Variants in MYOT observed in about 807,000 individuals in gnomAD.
MYOT encodes the protein myotilin, also known as 57 kDa cytoskeletal protein.
A neutral mutation model predicts 58.0 loss-of-function variants in MYOT; 36 were observed. The ratio of observed to expected loss-of-function variants is 0.62; its 90% CI spans 0.48 to 0.82. MYOT has a LOEUF of 0.82. MYOT is among the 40% of genes least tolerant of loss of function. The probability of loss-of-function intolerance (pLI) is 0.00; values close to 1 mark genes in which losing one functional copy is unlikely to be tolerated. For missense variants in MYOT, 505 were observed against 592.1 expected (o/e 0.85, Z 1.53); for synonymous variants, 218 against 204.6 (o/e 1.07, Z -0.56).
At position 137,870,779 on chromosome 5, in the gene MYOT, A is replaced by C. The variant is rs1385557713; in HGVS notation, c.128A>C (p.Gln43Pro). 2 of 1,614,018 alleles carry C rather than the reference A, an allele frequency of 1.2e-6. No homozygotes were observed. Among genetic ancestry groups the C allele is most frequent in the African/African-American group, 2.7e-5 (2 of 74,904 alleles). Residue 43 changes from glutamine (Q) to proline (P), a missense_variant, in exon 2 of 10, where the codon CAG (glutamine) becomes CCG (proline). Transcript: ENST00000239926. ...ACCAAACAGTCTTCCATTATCATCC[A>C]GCCCCGCCAGTGTACAGAGCAAAGA... ...SQTKQSSIIIQPRQCTEQRFS... is the reference protein window; with the variant it reads ...SQTKQSSIIIPPRQCTEQRFS...
Position 137,887,576 on chromosome 5 carries a change from C to A in MYOT, c.*191C>A. On this transcript the variant is annotated 3_prime_UTR_variant, in exon 10 of 10. Transcript: ENST00000239926. ...TATGTACCCCTCCGATTTGTGAAGCCTACAGGAAATCTGGGTATATGGATT... is the reference window on the plus strand; with the variant it reads ...TATGTACCCCTCCGATTTGTGAAGCATACAGGAAATCTGGGTATATGGATT... The A allele has an allele frequency of 3.2e-6, 1 of 309,732 alleles. No individual in the cohort carries two copies. The highest frequency in any genetic ancestry group is 5.5e-6 in the Non-Finnish European group (1 of 181,708). The allele number at this position is 309,732 out of a possible 1,614,324, so 19.2% of individuals were successfully genotyped here.
At position 137,880,901 on chromosome 5, in the gene MYOT, CCTAT is replaced by C. The variant is rs759093150; in HGVS notation, c.683+40_683+43del. On this transcript the variant is annotated intron_variant, in intron 5 of 9. Transcript: ENST00000239926. The stretch of plus-strand genomic sequence containing the variant: ...TTAATTTTAAAGAAATGTATGTTTT[CCTAT>C]CTAAAATATTTTCAGCTTAAAAATG... 1.2e-5 allele frequency: 17 copies of C among 1,386,664 alleles called. No homozygotes were observed. In the African/African-American group the frequency reaches 2.4e-4, roughly 20 times the overall value. 85.9% of individuals were successfully genotyped at this position (1,386,664 alleles called of 1,614,324 possible).
chr5:137,872,057 CA>C (rs773626199), intron 2 of MYOT, among the ~76,000 whole-genome samples: 2 of 148,776 alleles, frequency 1.3e-5, no homozygotes, highest in Non-Finnish European at 3.0e-5. Flanking sequence ...ATTCAACTTG[CA>C]AAAAAAAACC....
intron 4 of MYOT, 39 bp downstream of exon 4, chr5:137,877,660 T>C (rs746970069): frequency 8.5e-6 from 12 of 1,416,246 alleles, no homozygotes; most frequent in Non-Finnish European, 1.2e-5. Flanking sequence ...TTTTATTCTG[T>C]GCGATTTTTA....
chr5:137,867,999 G>A (rs1182795967), intron 1 of MYOT, 46 bp downstream of exon 1: 1 of 151,888 alleles, frequency 6.6e-6, no homozygotes, highest in African/African-American at 2.4e-5. Context: ...TCTTGTTTTT[G>A]TTTTTTGTCC....
rs918161059 is a variant in MYOT at position 137,873,550 on chromosome 5, A to C, written c.357-2279A>C. ...AACAAGAATGAAACTCCGTCTCAAA[A>C]AAAAAAAAGTGGTCTATTATAATTC... On this transcript the variant is annotated intron_variant, in intron 2 of 9. Transcript: ENST00000239926. 3.3e-5 allele frequency among the ~76,000 whole-genome samples: 5 copies of C among 152,246 alleles called. No homozygotes were observed. The East Asian group carries it at 9.6e-4, about 29-fold the overall frequency.
At chr5:137,869,664 CA>C (rs1238618374) in intron 1 of MYOT, among the ~76,000 whole-genome samples, 1 of 145,530 alleles carries the variant, frequency 6.9e-6, no homozygotes. Context: ...AAAGGTGTGG[CA>C]AAAAAAAGAA....
rs1754952972 is a variant in MYOT, at chr5:137,868,854, T to TC, written c.-212+905dup. ...TCAAGGCCCTCCTTCAGGATGTTTT[T>TC]CCCCAACAATTTAAATGCCTAAAGT... On this transcript the variant is annotated intron_variant, in intron 1 of 9. Transcript: ENST00000239926. Among the ~76,000 whole-genome samples the TC allele has an allele frequency of 2.0e-5, 3 of 152,274 alleles. No homozygotes were observed. The South Asian group carries it at 6.2e-4, about 32-fold the overall frequency.
At chr5:137,884,827 A>C (rs1341760097) in intron 7 of MYOT, among the ~76,000 whole-genome samples, 1 of 152,184 alleles carries the variant, frequency 6.6e-6, no homozygotes, top group African/African-American at 2.4e-5. Context: ...TGCATAAGAG[A>C]TATTTTGCTA....
Position 137,870,698 on chromosome 5 carries a change from C to G in MYOT, c.47C>G (p.Pro16Arg). 6.2e-7 allele frequency: 1 copy of G among 1,614,206 alleles called. No homozygotes were observed. Residue 16 changes from proline (P) to arginine (R), a missense_variant, in exon 2 of 10, where the codon CCA (proline) becomes CGA (arginine). Physicochemically the swap from Pro to Arg is moderately radical, Grantham distance 103. Coordinates refer to ENST00000239926, the MANE Select transcript of MYOT (RefSeq NM_006790.3). The part of the protein sequence containing the change: ...RPKHFIQSQN[P>R]CGSRLQPPGP... ...AAACACTTCATCCAGTCCCAAAACCCATGTGGCTCCAGATTGCAGCCTCCT... is the reference window on the plus strand; with the variant it reads ...AAACACTTCATCCAGTCCCAAAACCGATGTGGCTCCAGATTGCAGCCTCCT...
intron 7 of MYOT, 73 bp downstream of exon 7, chr5:137,883,664 G>A: frequency 7.3e-7 from 1 of 1,371,492 alleles, no homozygotes. Context: ...TATTTTAAAA[G>A]AAAAGCCCAG....
chr5:137,878,944 G>A (rs978829734), intron 4 of MYOT, among the ~76,000 whole-genome samples: 1 of 152,166 alleles, frequency 6.6e-6, no homozygotes, highest in Non-Finnish European at 1.5e-5. Context: ...GGGAGCCAAA[G>A]AGATTAAACC....
In MYOT at chr5:137,877,582, G is replaced by A. The variant is rs372287923; in HGVS notation, c.594G>A (p.Val198=). Residue 198 remains valine, a synonymous_variant, in exon 4 of 10, where the codon GTG becomes GTA. Coordinates refer to ENST00000239926, the MANE Select transcript of MYOT (RefSeq NM_006790.3). The stretch of plus-strand genomic sequence containing the variant: ...TAGGACCACAGAATGCAGCTGCTGT[G>A]TTTCAAGCTCAGGATGACAGTGGTG... ...RLLGPQNAAA[V]FQAQDDSGAQ... 1.4e-4 allele frequency: 224 copies of A among 1,613,864 alleles called. No individual in the cohort carries two copies. Among genetic ancestry groups the A allele is most frequent in the Non-Finnish European group, 1.8e-4 (218 of 1,179,942 alleles).
Position 137,870,455 on chromosome 5 carries a change from A to G in MYOT, c.-197A>G. 1 of 627,174 alleles carries G rather than the reference A, an allele frequency of 1.6e-6. No homozygotes were observed. The highest frequency in any genetic ancestry group is 3.9e-4 in the Middle Eastern group (1 of 2,546). The allele number at this position is 627,174 out of a possible 1,614,324, so 38.9% of individuals were successfully genotyped here. A position where few individuals can be genotyped will look rare whatever the true frequency, so the allele number is the denominator to read the frequency against. On this transcript the variant is annotated 5_prime_UTR_variant, in exon 2 of 10. Transcript: ENST00000239926. ...TCCTTTTGAAGGAACAATATTCTTC[A>G]AGAGAAGGTCACTCTACCAAAGCCA...
intron 3 of MYOT, 55 bp from the exon 4 acceptor site, chr5:137,877,465 C>A: frequency 1.7e-6 from 2 of 1,210,944 alleles, no homozygotes; most frequent in Non-Finnish European, 2.4e-6. Context: ...TTAAGGTAAA[C>A]CTGTACAAAC....
chr5:137,881,788 C>G (rs1755439820), intron 5 of MYOT, among the ~76,000 whole-genome samples, 185 bp from the exon 6 acceptor site: 1 of 151,992 alleles, frequency 6.6e-6, no homozygotes, highest in Non-Finnish European at 1.5e-5. Context: ...CCTCCGCCTC[C>G]CGGGTTCAAG....
chr5:137,876,520 T>C (rs1755226372), intron 3 of MYOT, among the ~76,000 whole-genome samples: 1 of 152,218 alleles, frequency 6.6e-6, no homozygotes, highest in Non-Finnish European at 1.5e-5. Flanking sequence ...TAAAAGTTAC[T>C]TCTGGCTGGG....
rs1199745014 is a variant in MYOT, at chr5:137,877,524, T to C, written c.536T>C (p.Leu179Pro). 9 of 1,609,502 alleles carry C rather than the reference T, an allele frequency of 5.6e-6. No individual in the cohort carries two copies. The highest frequency in any genetic ancestry group is 1.1e-5 in the South Asian group (1 of 90,988). The change falls in exon 4 of 10, where the codon CTA (leucine) becomes CCA (proline). Residue 179 changes from leucine (L) to proline (P), a missense_variant. Transcript: ENST00000239926. ...DTLLHNGNQR[L>P]TYEEKMARRL... ...GTCTCAATAAATTCTCTAAAGCGTCTAACATATGAAGAGAAGATGGCTCGC... is the reference window on the plus strand; with the variant it reads ...GTCTCAATAAATTCTCTAAAGCGTCCAACATATGAAGAGAAGATGGCTCGC...
chr5:137,870,672 A>G lies in MYOT; in HGVS notation c.21A>G (p.Pro7=), dbSNP rs771806402. The change falls in exon 2 of 10, where the codon CCA becomes CCG. Residue 7 remains proline (P), a synonymous_variant. Coordinates refer to ENST00000239926, the MANE Select transcript of MYOT (RefSeq NM_006790.3). The part of the protein sequence containing the change: MFNYER[P]KHFIQSQNPC... The stretch of plus-strand genomic sequence containing the variant: ...TAAGCATGTTTAACTACGAACGTCC[A>G]AAACACTTCATCCAGTCCCAAAACC... 6.8e-6 allele frequency: 11 copies of G among 1,614,084 alleles called. No individual in the cohort carries two copies. The East Asian group carries it at 1.6e-4, about 23-fold the overall frequency.
Sources: gnomAD v4.1 joint callset for allele counts (sites outside exome capture counted in the v4.1 genomes callset) on GRCh38, gnomAD v4.1.1 for gene constraint, MANE v1.5 for transcripts, NCBI Gene and HGNC (gene_info 2026-07-23, HGNC 2026-07-21) for gene names.